The following MMP16 variants were observed in gnomAD, a reference collection of about 807,000 sequenced individuals.
MMP16 encodes matrix metalloproteinase-16.
MMP16 carries 12 observed loss-of-function variants against 67.8 expected under a neutral mutation model. That is an observed-to-expected ratio of 0.18 (90% CI 0.11 to 0.29). The LOEUF (loss-of-function observed/expected upper bound fraction) is 0.29, where lower values mean the gene tolerates loss of function less well. Ranked by LOEUF, MMP16 falls within the 10% of genes least tolerant of loss-of-function variation. MMP16 has a pLI of 1.00. For synonymous variants in MMP16, 249 were observed against 255.9 expected (o/e 0.97, Z 0.26); for missense variants, 475 against 765.7 (o/e 0.62, Z 4.48).
intron 2 of MMP16, among the ~76,000 whole-genome samples, chr8:88,191,188 A>G (rs1263302404): frequency 4.6e-5 from 7 of 152,180 alleles, no homozygotes; most frequent in East Asian, 1.9e-4. Flanking sequence ...GAGTATAAAA[A>G]TTGAAAGCAG....
At position 88,297,416 on chromosome 8, in the gene MMP16, A is replaced by C. The variant is rs369699215; in HGVS notation, c.132+29659T>G. Among the ~76,000 whole-genome samples, 33 of 152,324 alleles carry C rather than the reference A, an allele frequency of 2.2e-4. 2 individuals carry two copies. The highest frequency in any genetic ancestry group is 3.4e-3 in the Middle Eastern group (1 of 294). On this transcript the variant is annotated intron_variant, in intron 1 of 9. Coordinates refer to ENST00000286614, the MANE Select transcript of MMP16 (RefSeq NM_005941.5). The stretch of plus-strand genomic sequence containing the variant: ...ACTGCCCTTTGTAGGTACCTGAGAG[A>C]AGAAATCAGCCTCAGTCATTATGAT...
At chr8:88,112,382 T>C (rs1809351441) in intron 6 of MMP16, among the ~76,000 whole-genome samples, 1 of 151,720 alleles carries the variant, frequency 6.6e-6, no homozygotes, top group Non-Finnish European at 1.5e-5. Flanking sequence ...ATAACTAAAA[T>C]ATTCAATGTT....
At chr8:88,180,620 A>C (rs1334823607) in intron 3 of MMP16, among the ~76,000 whole-genome samples, 1 of 152,130 alleles carries the variant, frequency 6.6e-6, no homozygotes, top group Non-Finnish European at 1.5e-5. Context: ...ACAATATAGC[A>C]AGAAAACATG....
At chr8:88,318,025 G>C (rs1811400692) in intron 1 of MMP16, among the ~76,000 whole-genome samples, 2 of 152,040 alleles carry the variant, frequency 1.3e-5, no homozygotes, top group Non-Finnish European at 2.9e-5. Flanking sequence ...CTACTCAATA[G>C]ATGCAACACA....
At chr8:88,107,263 A>G (rs1809258685) in intron 6 of MMP16, among the ~76,000 whole-genome samples, 1 of 151,112 alleles carries the variant, frequency 6.6e-6, no homozygotes, top group African/African-American at 2.4e-5. Context: ...CTGGTTAAAA[A>G]CTAAGGTGCT....
chr8:88,088,841 T>C (rs1364806410), intron 6 of MMP16, among the ~76,000 whole-genome samples: 2 of 152,046 alleles, frequency 1.3e-5, no homozygotes, highest in Non-Finnish European at 2.9e-5. Context: ...CATTAACGAA[T>C]GGAAAACACT....
intron 8 of MMP16, among the ~76,000 whole-genome samples, chr8:88,053,488 C>G (rs1234520202): frequency 6.6e-6 from 1 of 152,148 alleles, no homozygotes; most frequent in Non-Finnish European, 1.5e-5. Flanking sequence ...TACAGCGGCT[C>G]TAGAGACTCA....
chr8:88,323,228 A>C (rs531952741), intron 1 of MMP16, among the ~76,000 whole-genome samples: 6 of 152,198 alleles, frequency 3.9e-5, no homozygotes, highest in Non-Finnish European at 8.8e-5. Flanking sequence ...CAACATAAGA[A>C]TGTAAAATTC....
At chr8:88,082,041 C>T (rs1471359319) in intron 6 of MMP16, among the ~76,000 whole-genome samples, 1 of 152,040 alleles carries the variant, frequency 6.6e-6, no homozygotes, top group East Asian at 1.9e-4. Flanking sequence ...TGTATCCCAG[C>T]TCACAAATGG....
chr8:88,176,299 C>G (rs2129725678), intron 3 of MMP16, among the ~76,000 whole-genome samples: 1 of 152,316 alleles, frequency 6.6e-6, no homozygotes, highest in East Asian at 1.9e-4. Flanking sequence ...ATTGTCAGGA[C>G]AGTAACACAG....
At chr8:88,100,269 C>T (rs570316867) in intron 6 of MMP16, among the ~76,000 whole-genome samples, 2 of 151,890 alleles carry the variant, frequency 1.3e-5, no homozygotes, top group East Asian at 3.9e-4. Context: ...AGAACTCACA[C>T]AAATTTACAA....
intron 1 of MMP16, among the ~76,000 whole-genome samples, chr8:88,259,239 T>A (rs1263356415): frequency 6.6e-6 from 1 of 152,196 alleles, no homozygotes; most frequent in Non-Finnish European, 1.5e-5. Flanking sequence ...ATACTTTCTA[T>A]CATGCCAAAG....
intron 7 of MMP16, among the ~76,000 whole-genome samples, chr8:88,072,770 A>G (rs959443633): frequency 6.6e-6 from 1 of 152,176 alleles, no homozygotes; most frequent in Admixed American, 6.6e-5. Context: ...AACAAGTTCC[A>G]TCTCTCATGA....
At chr8:88,149,383 T>A (rs1254225726) in intron 4 of MMP16, among the ~76,000 whole-genome samples, 2 of 152,128 alleles carry the variant, frequency 1.3e-5, no homozygotes, top group Non-Finnish European at 2.9e-5. Context: ...CCTGCCTGCC[T>A]CTGTAGGCTC....
intron 1 of MMP16, 171 bp downstream of exon 1, chr8:88,326,904 G>T: frequency 1.5e-6 from 1 of 681,008 alleles, no homozygotes; most frequent in Non-Finnish European, 2.4e-6. Context: ...GGTCTCACAC[G>T]CATCCGTCAC....
intron 4 of MMP16, among the ~76,000 whole-genome samples, chr8:88,161,405 AT>A (rs1204067109): frequency 9.9e-5 from 15 of 151,724 alleles, no homozygotes; most frequent in East Asian, 5.8e-4. Flanking sequence ...CCCCTTTATC[AT>A]TTTTTTATTG....
intron 1 of MMP16, among the ~76,000 whole-genome samples, chr8:88,290,994 A>G (rs1173483085): frequency 6.6e-6 from 1 of 152,170 alleles, no homozygotes; most frequent in Non-Finnish European, 1.5e-5. Flanking sequence ...CAAATAAAAA[A>G]TAAGGGCCAG....
intron 1 of MMP16, among the ~76,000 whole-genome samples, chr8:88,203,649 T>C (rs765481800): frequency 6.6e-6 from 1 of 152,198 alleles, no homozygotes; most frequent in Non-Finnish European, 1.5e-5. Context: ...CCAGGTTACA[T>C]GGATTTATGA....
intron 8 of MMP16, among the ~76,000 whole-genome samples, chr8:88,047,927 C>T (rs1808219762): frequency 1.3e-5 from 2 of 152,130 alleles, no homozygotes; most frequent in Middle Eastern, 6.8e-3. Flanking sequence ...AGCTATAGGA[C>T]TGATGATAAA....
Sources: gnomAD v4.1 joint callset for allele counts (sites outside exome capture counted in the v4.1 genomes callset) on GRCh38, gnomAD v4.1.1 for gene constraint, MANE v1.5 for transcripts, NCBI Gene and HGNC (gene_info 2026-07-23, HGNC 2026-07-21) for gene names.